Variants in OSBPL9 observed in about 807,000 individuals in gnomAD.
The protein encoded by OSBPL9 is oxysterol-binding protein-related protein 9.
Under a neutral mutation model 106.6 loss-of-function variants are expected in OSBPL9, and 40 were observed. The ratio of observed to expected loss-of-function variants is 0.38; its 90% CI spans 0.29 to 0.49. The LOEUF (loss-of-function observed/expected upper bound fraction) is 0.49. OSBPL9 is among the 20% of genes least tolerant of loss of function. The probability of loss-of-function intolerance (pLI) is 0.97; values close to 1 mark genes in which losing one functional copy is unlikely to be tolerated. For synonymous variants in OSBPL9, 269 were observed against 295.4 expected, an observed-to-expected ratio of 0.91 and a Z score of 0.92; for missense variants, 609 against 887.2, an observed-to-expected ratio of 0.69 and a Z score of 3.98.
chr1:51,582,474 C>T (rs543191635), intron 1 of OSBPL9, among the ~76,000 whole-genome samples: 2 of 152,064 alleles, frequency 1.3e-5, no homozygotes, highest in East Asian at 1.9e-4. Context: ...ATTACAGGCA[C>T]GCACCACCAT....
intron 3 of OSBPL9, among the ~76,000 whole-genome samples, chr1:51,685,413 C>CTT (rs201739183): frequency 2.7e-5 from 4 of 146,632 alleles, no homozygotes; most frequent in African/African-American, 9.9e-5. Context: ...CCATGATAAT[C>CTT]TTTTTTTTTT....
At chr1:51,605,136 T>C (rs1643936496) in intron 2 of OSBPL9, among the ~76,000 whole-genome samples, 1 of 152,234 alleles carries the variant, frequency 6.6e-6, no homozygotes, top group African/African-American at 2.4e-5. Flanking sequence ...GTTAGGTATT[T>C]GGGATACTGA....
intron 1 of OSBPL9, among the ~76,000 whole-genome samples, chr1:51,582,211 T>A (rs1645224422): frequency 6.6e-6 from 1 of 152,348 alleles, no homozygotes; most frequent in Non-Finnish European, 1.5e-5. Flanking sequence ...TGTTAACTGA[T>A]GTATTAATTC....
chr1:51,772,778 G>T, intron 14 of OSBPL9, 55 bp downstream of exon 14: 1 of 1,189,588 alleles, frequency 8.4e-7, no homozygotes, highest in South Asian at 1.2e-5. Flanking sequence ...CTCAGTGATT[G>T]CGTGGTGAGT....
At chr1:51,651,622 T>C (rs936230882) in intron 1 of OSBPL9, among the ~76,000 whole-genome samples, 13 of 151,332 alleles carry the variant, frequency 8.6e-5, no homozygotes, top group African/African-American at 2.9e-4. Flanking sequence ...CAAAAAAAAA[T>C]AATTATCTGG....
At chr1:51,715,927 T>C (rs1179878802) in intron 4 of OSBPL9, among the ~76,000 whole-genome samples, 1 of 152,210 alleles carries the variant, frequency 6.6e-6, no homozygotes, top group Non-Finnish European at 1.5e-5. Context: ...TTCAAAATGA[T>C]CTCTTTCCTT....
chr1:51,662,521 A>G (rs1212087928), intron 2 of OSBPL9, among the ~76,000 whole-genome samples: 3 of 152,088 alleles, frequency 2.0e-5, no homozygotes, highest in Non-Finnish European at 2.9e-5. Flanking sequence ...TAGAATTTCT[A>G]CCCGATGGCT....
Position 51,760,761 on chromosome 1 carries a change from C to A in OSBPL9, c.654C>A (p.Ser218=), listed in dbSNP as rs759456077. 6 of 1,613,766 alleles carry A rather than the reference C, an allele frequency of 3.7e-6. No individual in the cohort carries two copies. The Admixed American group carries it at 1.0e-4, about 27-fold the overall frequency. The change falls in exon 10 of 24, where the codon TCC becomes TCA. Residue 218 remains serine (S), a synonymous_variant. Transcript: ENST00000428468. ...AACCTGTGATCAGCACAATGCCTTCCCAGACTGTGTTACCTCCAGGTAATT... is the reference window on the plus strand; with the variant it reads ...AACCTGTGATCAGCACAATGCCTTCACAGACTGTGTTACCTCCAGGTAATT... The part of the protein sequence containing the change: ...PLEPVISTMP[S]QTVLPPEPVQ...
intron 4 of OSBPL9, chr1:51,724,661 T>A (rs566131460): frequency 5.3e-5 from 8 of 152,114 alleles, no homozygotes; most frequent in African/African-American, 2.0e-4. Context: ...GCAAGTTGAG[T>A]TTTTTCCCCC....
At chr1:51,768,929 T>G (rs1158342014) in intron 12 of OSBPL9, among the ~76,000 whole-genome samples, 1 of 152,234 alleles carries the variant, frequency 6.6e-6, no homozygotes, top group Non-Finnish European at 1.5e-5. Flanking sequence ...CTTTTCTCCC[T>G]CAATTTCACT....
intron 3 of OSBPL9, among the ~76,000 whole-genome samples, chr1:51,679,334 T>C (rs1411013141): frequency 2.6e-5 from 4 of 152,250 alleles, no homozygotes; most frequent in Non-Finnish European, 5.9e-5. Flanking sequence ...TCCAACATCC[T>C]GTTTTCCATA....
rs1307408216 is a variant in OSBPL9 at position 51,761,929 on chromosome 1, G to A, written c.736G>A (p.Ala246Thr). Residue 246 changes from alanine to threonine, a missense_variant, in exon 11 of 24, where the codon GCT (alanine) becomes ACT (threonine). By Grantham distance (58) the Ala-to-Thr change is moderately conservative. Coordinates refer to ENST00000428468, the MANE Select transcript of OSBPL9 (RefSeq NM_024586.6). The stretch of plus-strand genomic sequence containing the variant: ...TTCCCTACCAGTTGGACCTGTGTTG[G>A]CTACCTTGGGACATCATCAGACTCC... Reference protein sequence around the residue: ...PSSLPVGPVLATLGHHQTPTP... With the variant: ...PSSLPVGPVLTTLGHHQTPTP... 2 of 1,613,472 alleles carry A rather than the reference G, an allele frequency of 1.2e-6. No individual in the cohort carries two copies. The highest frequency in any genetic ancestry group is 1.7e-6 in the Non-Finnish European group (2 of 1,179,508).
chr1:51,617,292 G>T, intron 1 of OSBPL9, 71 bp downstream of exon 1: 1 of 1,457,226 alleles, frequency 6.9e-7, no homozygotes, highest in Non-Finnish European at 9.3e-7. Flanking sequence ...GGGGACCGGG[G>T]TTTTAGGTGG....
At chr1:51,785,768 T>TGGTA in intron 20 of OSBPL9, 40 bp from the exon 21 acceptor site, 1 of 1,571,924 alleles carries the variant, frequency 6.4e-7, no homozygotes, top group Non-Finnish European at 8.8e-7. Flanking sequence ...GGTAGAATTT[T>TGGTA]CAACTTGAGA....
chr1:51,752,389 A>T (rs1321480995), intron 8 of OSBPL9: 1 of 339,770 alleles, frequency 2.9e-6, no homozygotes, highest in African/African-American at 2.1e-5. Flanking sequence ...TGACTCCTGT[A>T]TCTAAAATAG....
intron 12 of OSBPL9, among the ~76,000 whole-genome samples, chr1:51,771,399 G>A (rs1673853114): frequency 6.6e-6 from 1 of 152,154 alleles, no homozygotes; most frequent in Non-Finnish European, 1.5e-5. Flanking sequence ...GGTGGCTGAG[G>A]TGGGAGGATC....
the OSBPL9 span, among the ~76,000 whole-genome samples, chr1:51,562,971 G>A: frequency 6.6e-6 from 1 of 152,166 alleles, no homozygotes; most frequent in African/African-American, 2.4e-5. Context: ...CACTTTGGGA[G>A]GCAAAGGCAG....
At position 51,786,517 on chromosome 1, in the gene OSBPL9, G is replaced by A. The variant is rs764055835; in HGVS notation, c.1909-9G>A. 3.0e-5 allele frequency: 47 copies of A among 1,578,658 alleles called. No individual in the cohort carries two copies. The African/African-American group carries it at 4.5e-4, about 15-fold the overall frequency. ...GGTCTAGTTCCCATCCACCTCTATT[G>A]TTTTCTAGGAAAATACAGTCTTTGT... On this transcript the variant is annotated splice_polypyrimidine_tract_variant and intron_variant, in intron 21 of 23. Coordinates refer to ENST00000428468, the MANE Select transcript of OSBPL9 (RefSeq NM_024586.6).
At chr1:51,582,773 C>A (rs1415277564) in intron 1 of OSBPL9, 1 of 151,938 alleles carries the variant, frequency 6.6e-6, no homozygotes, top group Admixed American at 6.6e-5. Flanking sequence ...GGTAAGATGA[C>A]AAACTTTAAA....
Sources: gnomAD v4.1 joint callset for allele counts (sites outside exome capture counted in the v4.1 genomes callset) on GRCh38, gnomAD v4.1.1 for gene constraint, MANE v1.5 for transcripts, NCBI Gene and HGNC (gene_info 2026-07-23, HGNC 2026-07-21) for gene names.